RAB40B: variants seen among roughly 807,000 people sequenced by gnomAD.
RAB40B encodes RAB40B, member RAS oncogene family.
Under a neutral mutation model 24.0 loss-of-function variants are expected in RAB40B, and 21 were observed. That is an observed-to-expected ratio of 0.88 (90% confidence interval 0.62 to 1.26). The LOEUF (loss-of-function observed/expected upper bound fraction) is 1.26. RAB40B is among the 50% of genes most tolerant of loss of function. The pLI is 0.00. For missense variants in RAB40B, 348 were observed against 390.5 expected (o/e 0.89, Z 0.92); for synonymous variants, 167 against 169.8 (o/e 0.98, Z 0.13).
At chr17:82,670,229 A>G (rs1307317868) in intron 1 of RAB40B, among the ~76,000 whole-genome samples, 1 of 124,074 alleles carries the variant, frequency 8.1e-6, no homozygotes, top group Non-Finnish European at 1.6e-5. Flanking sequence ...TCTCTCACCC[A>G]GCCTGGAGTG....
At position 82,688,660 on chromosome 17, in the gene RAB40B, G is replaced by A. The variant is rs191811184; in HGVS notation, c.142+9795C>T. ...ACAAATAGTTTTGTTTGGGCCGGGC[G>A]TGGTGGCTCACGCCTGTAATCCCAG... On this transcript the variant is annotated intron_variant, in intron 1 of 5. Transcript: ENST00000571995. Among the ~76,000 whole-genome samples, 951 of 151,404 alleles carry A rather than the reference G, an allele frequency of 6.3e-3. 4 individuals carry two copies. The highest frequency in any genetic ancestry group is 0.022 in the African/African-American group (896 of 41,220).
At chr17:82,693,573 G>A (rs2046579524) in intron 1 of RAB40B, among the ~76,000 whole-genome samples, 2 of 152,204 alleles carry the variant, frequency 1.3e-5, no homozygotes, top group African/African-American at 4.8e-5. Context: ...CCTTTCAACA[G>A]AAATGCAAAG....
intron 1 of RAB40B, among the ~76,000 whole-genome samples, chr17:82,666,093 C>T (rs1465788921): frequency 6.6e-6 from 1 of 151,406 alleles, no homozygotes; most frequent in Non-Finnish European, 1.5e-5. Context: ...CCTGCCACCG[C>T]ACCTGCCACC....
rs183116516 is a variant in RAB40B at position 82,695,240 on chromosome 17, G to A, written c.142+3215C>T. ...CAAAATCTCACTCTGTCGCTGGGCTGGAGTGCAATGGTGTGATCTCAGCTC... is the reference window on the plus strand; with the variant it reads ...CAAAATCTCACTCTGTCGCTGGGCTAGAGTGCAATGGTGTGATCTCAGCTC... On this transcript the variant is annotated intron_variant, in intron 1 of 5. Coordinates refer to ENST00000571995, the MANE Select transcript of RAB40B (RefSeq NM_006822.3). 5.3e-3 allele frequency among the ~76,000 whole-genome samples: 793 copies of A among 149,828 alleles called. 3 individuals are homozygous for A. Among genetic ancestry groups the A allele is most frequent in the Non-Finnish European group, 9.4e-3 (636 of 67,742 alleles).
chr17:82,670,331 C>T (rs1395851183), intron 1 of RAB40B, among the ~76,000 whole-genome samples: 2 of 151,998 alleles, frequency 1.3e-5, no homozygotes, highest in South Asian at 2.1e-4. Context: ...ATTACAGGCA[C>T]ACGCCAGCAA....
intron 1 of RAB40B, 149 bp from the exon 2 acceptor site, chr17:82,664,705 A>C: frequency 2.7e-6 from 2 of 727,504 alleles, no homozygotes; most frequent in Non-Finnish European, 4.5e-6. Context: ...GTGTCTGCCC[A>C]AGCTCACAGG....
At chr17:82,662,784 C>T (rs2046190847) in intron 2 of RAB40B, 1 of 985,358 alleles carries the variant, frequency 1.0e-6, no homozygotes, top group Non-Finnish European at 1.2e-6. Context: ...GACTGTTCGG[C>T]CCACTGGGCA....
chr17:82,677,525 G>A (rs761212011), intron 1 of RAB40B, among the ~76,000 whole-genome samples: 4 of 152,184 alleles, frequency 2.6e-5, no homozygotes, highest in Non-Finnish European at 4.4e-5. Flanking sequence ...CCACAGGTCC[G>A]AGGCCCAGAG....
intron 1 of RAB40B, among the ~76,000 whole-genome samples, chr17:82,698,230 CCAGGGCCGG>C (rs1190605273): frequency 6.6e-6 from 1 of 151,898 alleles, no homozygotes; most frequent in Non-Finnish European, 1.5e-5. Flanking sequence ...AGCACGAGGG[CCAGGGCCGG>C]GCGGAGAAAG....
At chr17:82,689,461 C>G (rs1482206480) in intron 1 of RAB40B, among the ~76,000 whole-genome samples, 3 of 152,176 alleles carry the variant, frequency 2.0e-5, no homozygotes, top group African/African-American at 7.2e-5. Context: ...ATCAGGTTCA[C>G]CTGGGGCTGG....
intron 1 of RAB40B, among the ~76,000 whole-genome samples, chr17:82,677,056 C>T (rs545139891): frequency 1.2e-3 from 177 of 152,208 alleles, no homozygotes; most frequent in Non-Finnish European, 2.1e-3. Flanking sequence ...TCAAGCAATT[C>T]TCCTGCCTCA....
chr17:82,661,041 A>G lies in RAB40B; in HGVS notation c.210T>C (p.Thr70=), dbSNP rs771143411. ...GRRVKLQLWD[T]SGQGRFCTIF... Reference sequence around the variant, plus strand: ...TGGTACAAAATCTTCCCTGGCCTGAAGTATCCCTGGAAAAGATGTTGGAGA... The same window carrying G: ...TGGTACAAAATCTTCCCTGGCCTGAGGTATCCCTGGAAAAGATGTTGGAGA... Residue 70 remains threonine (T), a synonymous_variant, in exon 3 of 6, where the codon ACT becomes ACC. Coordinates refer to ENST00000571995, the MANE Select transcript of RAB40B (RefSeq NM_006822.3). 7 of 1,613,920 alleles carry G rather than the reference A, an allele frequency of 4.3e-6. No individual in the cohort carries two copies. The East Asian group carries it at 6.7e-5, about 15-fold the overall frequency.
chr17:82,681,020 C>CAA (rs201799464), intron 1 of RAB40B, among the ~76,000 whole-genome samples: 8 of 93,938 alleles, frequency 8.5e-5, no homozygotes, highest in East Asian at 3.5e-4. Context: ...GACTCCATCT[C>CAA]AAAAAAAAAA....
Position 82,657,706 on chromosome 17 carries a change from A to T in RAB40B, c.*157T>A, listed in dbSNP as rs772582291. The T allele has an allele frequency of 3.2e-6, 3 of 925,252 alleles. No individual in the cohort carries two copies. The highest frequency in any genetic ancestry group is 3.5e-5 in the Admixed American group (2 of 57,796). The allele number at this position is 925,252 out of a possible 1,614,324, so 57.3% of individuals were successfully genotyped here. A position where few individuals can be genotyped will look rare whatever the true frequency, so the allele number is the denominator to read the frequency against. On this transcript the variant is annotated 3_prime_UTR_variant, in exon 6 of 6. Coordinates refer to ENST00000571995, the MANE Select transcript of RAB40B (RefSeq NM_006822.3). ...CATCCACGTAGAAATTCGAAGTCCGACGGGGTAGTGTGTTTCCATCACACG... is the reference window on the plus strand; with the variant it reads ...CATCCACGTAGAAATTCGAAGTCCGTCGGGGTAGTGTGTTTCCATCACACG...
At chr17:82,668,952 C>A (rs756767431) in intron 1 of RAB40B, among the ~76,000 whole-genome samples, 1 of 152,248 alleles carries the variant, frequency 6.6e-6, no homozygotes, top group South Asian at 2.1e-4. Context: ...CAGTGGGGCA[C>A]GCGGCGTAGC....
intron 1 of RAB40B, 147 bp from the exon 2 acceptor site, chr17:82,664,703 C>G: frequency 1.3e-6 from 1 of 743,876 alleles, no homozygotes; most frequent in Non-Finnish European, 2.2e-6. Context: ...CTGTGTCTGC[C>G]CAAGCTCACA....
rs770317218 is a variant in RAB40B at position 82,658,588 on chromosome 17, G to A, written c.468C>T (p.Ser156=). 22 of 1,613,712 alleles carry A rather than the reference G, an allele frequency of 1.4e-5. No individual in the cohort carries two copies. The Admixed American group carries it at 3.5e-4, about 26-fold the overall frequency. The change falls in exon 5 of 6, where the codon AGC becomes AGT. Residue 156 remains serine, a synonymous_variant. Transcript: ENST00000571995. ...ERLGVTFFEV[S]PLCNFNITES... is the part of the protein sequence containing the mutation. ...CTGTGATGTTGAAATTGCACAGAGG[G>A]CTGACCTCAAAGAAGGTCACGCCCA...
rs945312892 is a variant in RAB40B at position 82,677,984 on chromosome 17, G to A, written c.143-13428C>T. Among the ~76,000 whole-genome samples, 31 of 152,148 alleles carry A rather than the reference G, an allele frequency of 2.0e-4. 1 individual carries two copies. The highest frequency in any genetic ancestry group is 1.3e-3 in the Admixed American group (20 of 15,270). On this transcript the variant is annotated intron_variant, in intron 1 of 5. Transcript: ENST00000571995. The stretch of plus-strand genomic sequence containing the variant: ...TTCCAAAGATAAACCCTCTAACGCA[G>A]CCATGTCTGCCTAGAGAAATCCTCA...
chr17:82,680,459 C>A (rs2046438518), intron 1 of RAB40B, among the ~76,000 whole-genome samples: 1 of 152,002 alleles, frequency 6.6e-6, no homozygotes, highest in Admixed American at 6.5e-5. Context: ...CAGGAGGCCA[C>A]CCCACCAAGG....
Sources: allele counts gnomAD v4.1 joint callset (sites outside exome capture counted in the v4.1 genomes callset), GRCh38; gene constraint gnomAD v4.1.1; transcripts MANE v1.5; gene names NCBI Gene and HGNC (gene_info 2026-07-23, HGNC 2026-07-21).